GAS7: variants seen among roughly 807,000 people sequenced by gnomAD.
GAS7 encodes the protein growth arrest-specific protein 7.
A neutral mutation model predicts 71.1 loss-of-function variants in GAS7; 28 were observed. The observed-to-expected ratio is 0.39, with a 90% CI of 0.29 to 0.54. The LOEUF is 0.54. Ranked by LOEUF, GAS7 falls within the 20% of genes least tolerant of loss-of-function variation. The pLI, the probability that GAS7 is intolerant of heterozygous loss-of-function variation, is 0.62. For synonymous variants in GAS7, 258 were observed against 245.8 expected (o/e 1.05, Z -0.46); for missense variants, 436 against 627.8 (o/e 0.69, Z 3.27).
chr17:10,059,014 G>C (rs1292435501), intron 1 of GAS7, among the ~76,000 whole-genome samples: 1 of 152,212 alleles, frequency 6.6e-6, no homozygotes, highest in African/African-American at 2.4e-5. Flanking sequence ...TGTCCACGCT[G>C]TATCCCCTTT....
intron 1 of GAS7, among the ~76,000 whole-genome samples, chr17:10,110,145 C>A (rs908439156): frequency 5.3e-5 from 8 of 151,568 alleles, no homozygotes; most frequent in African/African-American, 1.7e-4. Context: ...ATGGAATCAA[C>A]CTAAGTGTCC....
At chr17:10,133,123 T>TATATATATATATATA (rs770717224) in intron 1 of GAS7, among the ~76,000 whole-genome samples, 3,662 of 128,662 alleles carry the variant, frequency 0.028, 52 homozygotes, top group Non-Finnish European at 0.04. Flanking sequence ...TATTTTTATA[T>TATATATATATATATA]TTTTTTTTTT....
chr17:10,058,925 G>A (rs879036048), intron 1 of GAS7, among the ~76,000 whole-genome samples: 4 of 152,200 alleles, frequency 2.6e-5, no homozygotes, highest in Admixed American at 2.0e-4. Context: ...TCCAGAGGCC[G>A]ATCCAGATCA....
chr17:10,155,882 AC>A (rs2074201367), intron 1 of GAS7, among the ~76,000 whole-genome samples: 1 of 152,128 alleles, frequency 6.6e-6, no homozygotes, highest in Admixed American at 6.6e-5. Flanking sequence ...CTGCCCAGGG[AC>A]TCACAGCTAG....
intron 1 of GAS7, among the ~76,000 whole-genome samples, chr17:10,055,645 G>A (rs186900942): frequency 3.9e-5 from 6 of 152,314 alleles, no homozygotes; most frequent in Admixed American, 3.3e-4. Context: ...TTCAGCCACC[G>A]CTGGAGGCCA....
At chr17:10,083,137 T>G (rs1366574194) in intron 1 of GAS7, among the ~76,000 whole-genome samples, 2 of 152,220 alleles carry the variant, frequency 1.3e-5, no homozygotes, top group Non-Finnish European at 2.9e-5. Flanking sequence ...CATGAGAAAT[T>G]ATAGCTCAGT....
rs1291565622 is a variant in GAS7, at chr17:10,105,598, C to T, written c.184-85701G>A. Among the ~76,000 whole-genome samples the T allele has an allele frequency of 2.0e-5, 3 of 152,128 alleles. No homozygotes were observed. The East Asian group carries it at 5.8e-4, about 29-fold the overall frequency. ...TCTGCCTGGAATGCTGTTCCCCTTC[C>T]CCTCCCTGTGGCCAGCTGCTTCTTG... On this transcript the variant is annotated intron_variant, in intron 1 of 13. Coordinates refer to ENST00000432992, the MANE Select transcript of GAS7 (RefSeq NM_201433.2).
intron 6 of GAS7, among the ~76,000 whole-genome samples, chr17:9,943,511 A>C (rs1459533299): frequency 1.3e-5 from 2 of 152,214 alleles, no homozygotes; most frequent in Non-Finnish European, 2.9e-5. Flanking sequence ...AAGAAGGGCA[A>C]GTGTCCAAGA....
At chr17:10,055,068 CA>C (rs2073117483) in intron 1 of GAS7, among the ~76,000 whole-genome samples, 1 of 152,296 alleles carries the variant, frequency 6.6e-6, no homozygotes, top group African/African-American at 2.4e-5. Context: ...CACCACACAT[CA>C]AGCAGGCTGA....
intron 2 of GAS7, among the ~76,000 whole-genome samples, chr17:10,013,461 C>G (rs2071861314): frequency 6.6e-6 from 1 of 152,164 alleles, no homozygotes; most frequent in Non-Finnish European, 1.5e-5. Flanking sequence ...CCCTGGACAG[C>G]ACAAGACAAG....
intron 1 of GAS7, among the ~76,000 whole-genome samples, chr17:10,072,757 G>A (rs1043711821): frequency 6.6e-6 from 1 of 152,164 alleles, no homozygotes; most frequent in Non-Finnish European, 1.5e-5. Context: ...TTTCCGAGAC[G>A]TGATGGGGAG....
intron 1 of GAS7, among the ~76,000 whole-genome samples, chr17:10,027,881 TTTTG>T (rs747365660): frequency 9.2e-5 from 14 of 152,116 alleles, no homozygotes; most frequent in South Asian, 4.1e-4. Flanking sequence ...AATAAAGGTT[TTTTG>T]TTTGTTTGTT....
At chr17:10,059,673 A>G in intron 1 of GAS7, 1 of 983,974 alleles carries the variant, frequency 1.0e-6, no homozygotes. Flanking sequence ...TAACCAGCAG[A>G]GCCCTGGTTC....
In GAS7 at chr17:9,915,570, C is replaced by T. The variant is rs890294589; in HGVS notation, c.*1658G>A. The T allele has an allele frequency of 4.4e-6, 1 of 225,112 alleles. No individual in the cohort carries two copies. The highest frequency in any genetic ancestry group is 8.8e-6 in the Non-Finnish European group (1 of 113,060). The allele number at this position is 225,112 out of a possible 1,614,324, so 13.9% of individuals were successfully genotyped here. A position where few individuals can be genotyped will look rare whatever the true frequency, so the allele number is the denominator to read the frequency against. ...GTTTGGTTTACTTTAGTATATTAGG[C>T]ATTTTTCTAATGTGAACTATACGAA... On this transcript the variant is annotated 3_prime_UTR_variant, in exon 14 of 14. Transcript: ENST00000432992.
At chr17:10,029,171 G>A (rs2072546716) in intron 1 of GAS7, among the ~76,000 whole-genome samples, 1 of 152,152 alleles carries the variant, frequency 6.6e-6, no homozygotes, top group African/African-American at 2.4e-5. Context: ...AAAGAAGGCT[G>A]GTCTCAAACT....
chr17:9,986,846 A>G (rs1016034250), intron 2 of GAS7, among the ~76,000 whole-genome samples: 2 of 152,148 alleles, frequency 1.3e-5, no homozygotes, highest in African/African-American at 4.8e-5. Context: ...AACCCATAAC[A>G]CAAAGACACT....
At chr17:10,165,844 A>G (rs2074289952) in intron 1 of GAS7, among the ~76,000 whole-genome samples, 1 of 152,080 alleles carries the variant, frequency 6.6e-6, no homozygotes, top group African/African-American at 2.4e-5. Flanking sequence ...TGATTCAGAC[A>G]TCCTTTCACC....
chr17:10,054,834 C>T (rs1006792131), intron 1 of GAS7, among the ~76,000 whole-genome samples: 1 of 152,136 alleles, frequency 6.6e-6, no homozygotes, highest in East Asian at 1.9e-4. Context: ...CCCACCCACC[C>T]GAGAACTGGG....
At chr17:9,976,694 G>T (rs929410765) in intron 3 of GAS7, among the ~76,000 whole-genome samples, 1 of 152,198 alleles carries the variant, frequency 6.6e-6, no homozygotes, top group African/African-American at 2.4e-5. Context: ...GCCTAAGGAT[G>T]ATCCCTCAGT....
Sources: allele counts gnomAD v4.1 joint callset (sites outside exome capture counted in the v4.1 genomes callset), GRCh38; gene constraint gnomAD v4.1.1; transcripts MANE v1.5; gene names NCBI Gene and HGNC (gene_info 2026-07-23, HGNC 2026-07-21).